RCOR1: variants seen among roughly 807,000 people sequenced by gnomAD.
The protein encoded by RCOR1 is REST corepressor 1.
A neutral mutation model predicts 64.0 loss-of-function variants in RCOR1; 12 were observed. The observed-to-expected ratio is 0.19, with a 90% CI of 0.12 to 0.30. The LOEUF is 0.30. RCOR1 is among the 10% of genes least tolerant of loss of function. The probability of loss-of-function intolerance (pLI) is 1.00; values close to 1 mark genes in which losing one functional copy is unlikely to be tolerated. For synonymous variants in RCOR1, 279 were observed against 227.2 expected (o/e 1.23, Z -2.05); for missense variants, 502 against 621.2 (o/e 0.81, Z 2.04).
At chr14:102,662,492 T>TGGTCA (rs1567427039) in intron 2 of RCOR1, 1 of 527,730 alleles carries the variant, frequency 1.9e-6, no homozygotes, top group Non-Finnish European at 3.7e-6. Context: ...GATAATATGG[T>TGGTCA]GGTCAAGCTT....
At chr14:102,695,038 G>C (rs1027888380) in intron 3 of RCOR1, among the ~76,000 whole-genome samples, 1 of 152,170 alleles carries the variant, frequency 6.6e-6, no homozygotes, top group Non-Finnish European at 1.5e-5. Flanking sequence ...GAATATCCAA[G>C]ATCACACAGT....
In RCOR1 at chr14:102,714,426, C is replaced by A. The variant is rs1274981782; in HGVS notation, c.862C>A (p.Pro288Thr). Residue 288 changes from proline (P) to threonine (T), a missense_variant, in exon 8 of 12, where the codon CCC (proline) becomes ACC (threonine). Coordinates refer to ENST00000262241, the MANE Select transcript of RCOR1 (RefSeq NM_015156.4). ...DQNKESKKEV[P>T]PTETVPQVKK... ...ATCACCTGTGTATATCATGCAGGTT[C>A]CCCCTACTGAGACAGTTCCTCAGGT... 6.3e-7 allele frequency: 1 copy of A among 1,595,308 alleles called. No homozygotes were observed. Among genetic ancestry groups the A allele is most frequent in the Non-Finnish European group, 8.6e-7 (1 of 1,169,230 alleles).
intron 2 of RCOR1, 44 bp downstream of exon 2, chr14:102,593,369 G>C: frequency 6.8e-7 from 1 of 1,480,106 alleles, no homozygotes; most frequent in Non-Finnish European, 8.9e-7. Context: ...ATGAGCGGGA[G>C]CCCCGGGTCC....
chr14:102,628,410 A>C (rs1052324325), intron 2 of RCOR1, among the ~76,000 whole-genome samples: 1 of 152,078 alleles, frequency 6.6e-6, no homozygotes, highest in Admixed American at 6.6e-5. Flanking sequence ...TATAGTCCCT[A>C]TAAGAGCTAG....
chr14:102,693,614 A>G lies in RCOR1; in HGVS notation c.446-7664A>G, dbSNP rs1241167926. Among the ~76,000 whole-genome samples the G allele has an allele frequency of 2.0e-5, 3 of 152,120 alleles. 1 individual carries two copies. The highest frequency in any genetic ancestry group is 4.4e-5 in the Non-Finnish European group (3 of 68,012). On this transcript the variant is annotated intron_variant, in intron 3 of 11. Transcript: ENST00000262241. ...AGCCTGCCCTCTCATACTCAGTCTC[A>G]CAATGGGGTTTAGCTTCCTTTTCAG...
chr14:102,715,072 A>C (rs566274038), intron 8 of RCOR1, among the ~76,000 whole-genome samples: 30 of 140,700 alleles, frequency 2.1e-4, no homozygotes, highest in Non-Finnish European at 4.7e-4. Context: ...CACTATTCTG[A>C]TTTTTTTTTT....
intron 2 of RCOR1, among the ~76,000 whole-genome samples, chr14:102,640,684 A>AT (rs1232589570): frequency 6.6e-6 from 1 of 152,214 alleles, no homozygotes; most frequent in Non-Finnish European, 1.5e-5. Context: ...AATTTAAAGA[A>AT]TTTTTTGAGG....
chr14:102,649,040 A>G (rs1055524003), intron 2 of RCOR1, among the ~76,000 whole-genome samples: 14 of 150,760 alleles, frequency 9.3e-5, no homozygotes, highest in African/African-American at 3.4e-4. Flanking sequence ...TGATACATAT[A>G]CAGAAAACCA....
At chr14:102,620,085 G>A (rs747838930) in intron 2 of RCOR1, among the ~76,000 whole-genome samples, 15 of 152,010 alleles carry the variant, frequency 9.9e-5, no homozygotes, top group Non-Finnish European at 1.9e-4. Flanking sequence ...TAAATCTCCT[G>A]CTTCTGTATT....
intron 2 of RCOR1, among the ~76,000 whole-genome samples, chr14:102,644,233 C>A (rs1225776155): frequency 6.6e-6 from 1 of 152,228 alleles, no homozygotes; most frequent in African/African-American, 2.4e-5. Context: ...GTGCAGGCTT[C>A]CAAAGCAAGT....
intron 3 of RCOR1, among the ~76,000 whole-genome samples, chr14:102,688,257 C>T (rs1430365960): frequency 6.6e-6 from 1 of 152,166 alleles, no homozygotes; most frequent in Non-Finnish European, 1.5e-5. Context: ...TGAGCCACTG[C>T]GCCCGGCCAG....
intron 2 of RCOR1, among the ~76,000 whole-genome samples, chr14:102,601,594 T>A (rs1893399193): frequency 1.3e-5 from 2 of 152,248 alleles, no homozygotes; most frequent in East Asian, 3.9e-4. Context: ...GATTAATGAT[T>A]GATAGAGGAA....
intron 8 of RCOR1, among the ~76,000 whole-genome samples, chr14:102,715,351 G>A (rs1165449339): frequency 6.6e-6 from 1 of 150,448 alleles, no homozygotes; most frequent in East Asian, 2.0e-4. Context: ...AATTACAGGC[G>A]TGAGCCACCG....
In RCOR1 at chr14:102,710,920, G is replaced by A. The variant is rs769973211; in HGVS notation, c.780-15G>A. On this transcript the variant is annotated splice_polypyrimidine_tract_variant and intron_variant, in intron 6 of 11. Transcript: ENST00000262241. ...GTACAAAATAATCATTCAGTAACTT[G>A]TTCTTGTCTTCCAGCGAGGATGAAC... The A allele has an allele frequency of 1.3e-6, 2 of 1,575,730 alleles. No individual in the cohort carries two copies. Among genetic ancestry groups the A allele is most frequent in the South Asian group, 1.2e-5 (1 of 85,898 alleles).
At chr14:102,628,033 T>C (rs1894019107) in intron 2 of RCOR1, among the ~76,000 whole-genome samples, 1 of 151,944 alleles carries the variant, frequency 6.6e-6, no homozygotes, top group African/African-American at 2.4e-5. Flanking sequence ...AATCTGCAGC[T>C]GGCAATCTGG....
chr14:102,696,382 T>C (rs891257526), intron 3 of RCOR1, among the ~76,000 whole-genome samples: 3 of 152,210 alleles, frequency 2.0e-5, no homozygotes, highest in Non-Finnish European at 4.4e-5. Context: ...CTCATTCACC[T>C]ATGCTCTCCA....
intron 2 of RCOR1, among the ~76,000 whole-genome samples, chr14:102,652,722 C>T (rs570736547): frequency 9.9e-5 from 15 of 152,116 alleles, no homozygotes; most frequent in Middle Eastern, 3.4e-3. Context: ...CCCATAGATA[C>T]GTAACAACCA....
At chr14:102,675,952 G>A (rs1895136979) in intron 2 of RCOR1, among the ~76,000 whole-genome samples, 1 of 151,842 alleles carries the variant, frequency 6.6e-6, no homozygotes, top group Admixed American at 6.5e-5. Flanking sequence ...TATTTTTGTT[G>A]CTGTGTACTG....
intron 2 of RCOR1, chr14:102,643,478 C>T (rs1392986002): frequency 1.2e-5 from 3 of 247,982 alleles, no homozygotes; most frequent in South Asian, 1.5e-4. Context: ...ATTACCTTGC[C>T]AGAACTGAAA....
Sources: gnomAD v4.1 joint callset for allele counts (sites outside exome capture counted in the v4.1 genomes callset) on GRCh38, gnomAD v4.1.1 for gene constraint, MANE v1.5 for transcripts, NCBI Gene and HGNC (gene_info 2026-07-23, HGNC 2026-07-21) for gene names.